The following OR51B5 variants were observed in gnomAD, a reference collection of about 807,000 sequenced individuals.
OR51B5 encodes the protein olfactory receptor 51B5.
For synonymous variants in OR51B5, 186 were observed against 144.8 expected, an observed-to-expected ratio of 1.28 and a Z score of -2.04; for missense variants, 456 against 374.6, an observed-to-expected ratio of 1.22 and a Z score of -1.79.
intron 1 of OR51B5, among the ~76,000 whole-genome samples, chr11:5,375,435 A>G (rs1233666356): frequency 1.2e-4 from 15 of 128,346 alleles, no homozygotes; most frequent in Non-Finnish European, 2.5e-4. Context: ...CTAACGAGCA[A>G]AATAACCAGC....
intron 1 of OR51B5, among the ~76,000 whole-genome samples, chr11:5,443,390 A>G (rs1210980079): frequency 6.6e-6 from 1 of 152,096 alleles, no homozygotes; most frequent in East Asian, 1.9e-4. Flanking sequence ...CAAAGCATCC[A>G]TTTAATGAGT....
At chr11:5,447,728 C>G (rs1006152443) in intron 1 of OR51B5, among the ~76,000 whole-genome samples, 10 of 151,962 alleles carry the variant, frequency 6.6e-5, no homozygotes, top group African/African-American at 2.4e-4. Flanking sequence ...GAACTTGTAC[C>G]CTACTTCCTT....
chr11:5,370,254 G>A (rs1849428334), intron 1 of OR51B5, among the ~76,000 whole-genome samples: 1 of 152,170 alleles, frequency 6.6e-6, no homozygotes, highest in African/African-American at 2.4e-5. Context: ...AGGTTTGAAT[G>A]TTTAATGCTA....
At chr11:5,386,841 AG>A (rs905817470) in intron 1 of OR51B5, among the ~76,000 whole-genome samples, 4 of 52,238 alleles carry the variant, frequency 7.7e-5, no homozygotes, top group Admixed American at 3.7e-4. Flanking sequence ...GTAGAGCATC[AG>A]CTCAAAAATG....
chr11:5,341,179 G>A (rs534670800), downstream of OR51B5: 1 of 152,296 alleles, frequency 6.6e-6, no homozygotes, highest in South Asian at 2.1e-4. Context: ...ATTAATGAAT[G>A]CTCTCAGGAG....
At chr11:5,394,930 C>A (rs896921876) in intron 1 of OR51B5, among the ~76,000 whole-genome samples, 1 of 152,128 alleles carries the variant, frequency 6.6e-6, no homozygotes, top group Admixed American at 6.5e-5. Context: ...GTTGTAAAGA[C>A]TGTCTCAAGG....
At chr11:5,346,414 A>T (rs1848991036), upstream of OR51B5, 1 of 152,122 alleles carries the variant, frequency 6.6e-6, no homozygotes. Flanking sequence ...TAGGGAAGGA[A>T]AGAGATCATA....
chr11:5,484,065 A>G (rs1851466110), intron 1 of OR51B5, among the ~76,000 whole-genome samples: 1 of 152,048 alleles, frequency 6.6e-6, no homozygotes, highest in South Asian at 2.1e-4. Flanking sequence ...TCACCCTCAT[A>G]CACACACCTT....
intron 1 of OR51B5, chr11:5,402,484 C>CT (rs2133742061): frequency 2.8e-6 from 1 of 357,982 alleles, no homozygotes; most frequent in Admixed American, 3.8e-5. Context: ...TGTGAGTTTG[C>CT]TTTTTTCTTC....
intron 1 of OR51B5, among the ~76,000 whole-genome samples, chr11:5,350,802 T>C (rs577089595): frequency 6.6e-6 from 1 of 152,302 alleles, no homozygotes; most frequent in Admixed American, 6.5e-5. Flanking sequence ...GTTATAAAGC[T>C]GGGCAACTTA....
At chr11:5,490,010 A>G (rs447575) in intron 1 of OR51B5, among the ~76,000 whole-genome samples, 146,382 of 152,274 alleles carry the variant, frequency 0.96, 70,392 homozygotes, top group South Asian at 0.99. Context: ...AAAACAAAGA[A>G]AAGGTTTGGA....
chr11:5,497,480 AC>A (rs1851666774), intron 1 of OR51B5, among the ~76,000 whole-genome samples: 1 of 152,096 alleles, frequency 6.6e-6, no homozygotes, highest in African/African-American at 2.4e-5. Context: ...GGTGATGTAG[AC>A]CCCCAGGCTC....
At chr11:5,348,725 G>A (rs1470779503) in intron 1 of OR51B5, among the ~76,000 whole-genome samples, 1 of 152,102 alleles carries the variant, frequency 6.6e-6, no homozygotes, top group Non-Finnish European at 1.5e-5. Flanking sequence ...CAGACGGAGG[G>A]TGGGTGGGTC....
chr11:5,412,605 A>C (rs114060750), intron 1 of OR51B5, among the ~76,000 whole-genome samples: 3,874 of 152,306 alleles, frequency 0.025, 158 homozygotes, highest in African/African-American at 0.085. Flanking sequence ...GCGCTTTTCC[A>C]ACGGGCTTAA....
chr11:5,377,665 T>C (rs1282679368), intron 1 of OR51B5, among the ~76,000 whole-genome samples: 3 of 151,908 alleles, frequency 2.0e-5, no homozygotes, highest in South Asian at 2.1e-4. Flanking sequence ...TATACACCAA[T>C]AACAGACAAA....
At chr11:5,403,313 A>G (rs573739290) in intron 1 of OR51B5, 6 of 471,640 alleles carry the variant, frequency 1.3e-5, no homozygotes, top group South Asian at 9.3e-5. Context: ...GGAAGAAGGC[A>G]CTCAACACAT....
chr11:5,386,036 G>T (rs1039357749), intron 1 of OR51B5, among the ~76,000 whole-genome samples: 2 of 151,756 alleles, frequency 1.3e-5, no homozygotes, highest in Non-Finnish European at 2.9e-5. Flanking sequence ...GGTACTACGT[G>T]AGAACAGAGA....
chr11:5,346,378 GA>G (rs1381171366), upstream of OR51B5: 5 of 152,020 alleles, frequency 3.3e-5, no homozygotes, highest in African/African-American at 1.2e-4. Context: ...AATGAGAGAA[GA>G]GATAAAAGCT....
intron 1 of OR51B5, among the ~76,000 whole-genome samples, chr11:5,357,046 G>T (rs367761599): frequency 6.6e-6 from 1 of 151,940 alleles, no homozygotes; most frequent in Non-Finnish European, 1.5e-5. Context: ...AGACCATTGA[G>T]GCTAGGAAGA....
Sources: gnomAD v4.1 joint callset for allele counts (sites outside exome capture counted in the v4.1 genomes callset) on GRCh38, gnomAD v4.1.1 for gene constraint, MANE v1.5 for transcripts, NCBI Gene and HGNC (gene_info 2026-07-23, HGNC 2026-07-21) for gene names.